EVC2: variants seen among roughly 807,000 people sequenced by gnomAD.
The protein encoded by EVC2 is limbin.
A neutral mutation model predicts 149.3 loss-of-function variants in EVC2; 148 were observed. The ratio of observed to expected loss-of-function variants is 0.99; its 90% CI spans 0.87 to 1.14. The LOEUF is 1.14. Among genes scored for constraint, EVC2 ranks in the 50% most tolerant of loss-of-function variants. EVC2 has a pLI of 0.00. For synonymous variants in EVC2, 776 were observed against 649.9 expected, an observed-to-expected ratio of 1.19 and a Z score of -2.95; for missense variants, 1,854 against 1,627.3, an observed-to-expected ratio of 1.14 and a Z score of -2.40.
intron 16 of EVC2, among the ~76,000 whole-genome samples, chr4:5,590,168 G>A (rs1001768682): frequency 1.3e-5 from 2 of 152,108 alleles, no homozygotes; most frequent in Non-Finnish European, 2.9e-5. Flanking sequence ...GTAAAGGTGT[G>A]GGGGAGAAGA....
intron 16 of EVC2, among the ~76,000 whole-genome samples, chr4:5,596,399 C>G (rs2108803955): frequency 6.6e-6 from 1 of 152,276 alleles, no homozygotes; most frequent in South Asian, 2.1e-4. Flanking sequence ...CAAACTAGAA[C>G]TCAGGATTAA....
intron 16 of EVC2, among the ~76,000 whole-genome samples, chr4:5,595,469 A>T (rs1713303007): frequency 6.6e-6 from 1 of 152,154 alleles, no homozygotes; most frequent in Non-Finnish European, 1.5e-5. Flanking sequence ...CGCCAAACTA[A>T]GCTTCATAAG....
chr4:5,701,539 T>C (rs1399235989), intron 1 of EVC2, among the ~76,000 whole-genome samples: 1 of 152,066 alleles, frequency 6.6e-6, no homozygotes, highest in African/African-American at 2.4e-5. Flanking sequence ...TTGGATCTTT[T>C]CCTCTCCTAG....
At chr4:5,627,795 A>C (rs1716224371) in intron 12 of EVC2, among the ~76,000 whole-genome samples, 1 of 152,160 alleles carries the variant, frequency 6.6e-6, no homozygotes, top group Non-Finnish European at 1.5e-5. Context: ...CCCTGTATTT[A>C]TACTTAGTGT....
intron 1 of EVC2, 78 bp from the exon 2 acceptor site, chr4:5,697,725 C>T (rs1721571497): frequency 1.5e-6 from 2 of 1,339,228 alleles, no homozygotes; most frequent in Non-Finnish European, 2.1e-6. Flanking sequence ...TTGTAAATGA[C>T]TCACATGGAG....
At position 5,689,291 on chromosome 4, in the gene EVC2, T is replaced by G. The variant is rs754001550; in HGVS notation, c.572A>C (p.Asn191Thr). ...QTARIWLLVNNTKTTSSANLS... is the reference protein window; with the variant it reads ...QTARIWLLVNTTKTTSSANLS... ...GTTGGCTGACGAGGTTGTCTTGGTG[T>G]TGTTAACAAGCAGCCATATGCGGGC... The change falls in exon 5 of 22, where the codon AAC becomes ACC. Residue 191 changes from asparagine (N) to threonine (T), a missense_variant. Physicochemically the swap from Asn to Thr is moderately conservative, Grantham distance 65. Coordinates refer to ENST00000344408, the MANE Select transcript of EVC2 (RefSeq NM_147127.5). 45 of 1,614,044 alleles carry G rather than the reference T, an allele frequency of 2.8e-5. No homozygotes were observed. The highest frequency in any genetic ancestry group is 3.4e-5 in the Non-Finnish European group (40 of 1,180,036).
chr4:5,704,463 G>A (rs1389116102), intron 1 of EVC2, among the ~76,000 whole-genome samples: 1 of 152,104 alleles, frequency 6.6e-6, no homozygotes, highest in East Asian at 1.9e-4. Context: ...GAGTGCCTGT[G>A]AGCCTCCACG....
At chr4:5,531,700 A>G in the EVC2 span, among the ~76,000 whole-genome samples, 1 of 151,890 alleles carries the variant, frequency 6.6e-6, no homozygotes, top group Non-Finnish European at 1.5e-5. Flanking sequence ...ATCACCTCCA[A>G]ATGGGACCAT....
chr4:5,697,777 G>A, intron 1 of EVC2, 130 bp from the exon 2 acceptor site: 3 of 779,460 alleles, frequency 3.8e-6, no homozygotes, highest in Non-Finnish European at 6.4e-6. Flanking sequence ...ACAGAGTCTT[G>A]CTCTGTCACC....
the EVC2 span, among the ~76,000 whole-genome samples, chr4:5,529,311 G>A: frequency 1.3e-5 from 2 of 152,064 alleles, no homozygotes; most frequent in Non-Finnish European, 2.9e-5. This position sits in a 1 kb window ranked among gnomAD's most constrained non-coding sequence, Gnocchi z 4.5. Flanking sequence ...CATCTGTCTC[G>A]CTCCTGTGTC....
At position 5,628,597 on chromosome 4, in the gene EVC2, A is replaced by T. The variant is rs1297104791; in HGVS notation, c.1848T>A (p.Ala616=). The part of the protein sequence containing the change: ...ETRVQGLLST[A]AAQLTHLIQK... The stretch of plus-strand genomic sequence containing the variant: ...GAATGAGGTGAGTCAGCTGGGCTGC[A>T]GCGGTGCTCAGAAGGCCCTGCACAC... The change falls in exon 12 of 22, where the codon GCT becomes GCA. Residue 616 remains alanine (A), a synonymous_variant. Transcript: ENST00000344408. The T allele has an allele frequency of 6.2e-7, 1 of 1,614,016 alleles. No homozygotes were observed. The highest frequency in any genetic ancestry group is 1.7e-5 in the Admixed American group (1 of 59,990).
At chr4:5,561,018 G>C (rs112519703), downstream of EVC2, among the ~76,000 whole-genome samples, 152 of 152,270 alleles carry the variant, frequency 1.0e-3, 1 homozygote, top group African/African-American at 3.6e-3. Flanking sequence ...TCAAATGCTA[G>C]ATTTTGAGCA....
chr4:5,663,041 C>T, intron 9 of EVC2, 66 bp downstream of exon 9: 1 of 1,600,710 alleles, frequency 6.2e-7, no homozygotes, highest in African/African-American at 1.3e-5. Context: ...AGCATTTGGC[C>T]TTATGTCACT....
At chr4:5,581,234 T>G (rs866205116) in intron 17 of EVC2, among the ~76,000 whole-genome samples, 13 of 152,162 alleles carry the variant, frequency 8.5e-5, no homozygotes, top group African/African-American at 2.7e-4. Flanking sequence ...CAACAATACT[T>G]GAAAATGTGA....
chr4:5,645,924 GTTTA>G (rs1717678266), intron 9 of EVC2, among the ~76,000 whole-genome samples: 1 of 152,092 alleles, frequency 6.6e-6, no homozygotes, highest in Non-Finnish European at 1.5e-5. Context: ...ACCAACACCT[GTTTA>G]TTTTTTTATT....
intron 16 of EVC2, among the ~76,000 whole-genome samples, chr4:5,599,112 C>T (rs1409448201): frequency 6.6e-6 from 1 of 151,958 alleles, no homozygotes; most frequent in African/African-American, 2.4e-5. Flanking sequence ...AACACTTTTA[C>T]ACTGTTGGTG....
the EVC2 span, among the ~76,000 whole-genome samples, chr4:5,534,818 G>GAA: frequency 6.6e-4 from 44 of 66,792 alleles, no homozygotes; most frequent in East Asian, 1.7e-3. Flanking sequence ...CATCTGGTAG[G>GAA]AAAAAAAAAA....
At chr4:5,563,795 G>A (rs1646014668) in intron 21 of EVC2, among the ~76,000 whole-genome samples, 1 of 152,052 alleles carries the variant, frequency 6.6e-6, no homozygotes, top group Non-Finnish European at 1.5e-5. Flanking sequence ...ACATTTATGA[G>A]TACACCTATG....
intron 9 of EVC2, among the ~76,000 whole-genome samples, chr4:5,656,465 G>A (rs980167159): frequency 1.3e-5 from 2 of 152,134 alleles, no homozygotes; most frequent in Admixed American, 6.5e-5. Context: ...AAGGGAAAAG[G>A]GCCTTTGCAG....
Sources: gnomAD v4.1 joint callset for allele counts (sites outside exome capture counted in the v4.1 genomes callset) on GRCh38, gnomAD v4.1.1 for gene constraint, Gnocchi (gnomAD v3.1) non-coding constraint, MANE v1.5 for transcripts, NCBI Gene and HGNC (gene_info 2026-07-23, HGNC 2026-07-21) for gene names.